Variants in CPB1 observed in about 807,000 individuals in gnomAD.
CPB1 encodes carboxypeptidase B1, also known as carboxypeptidase B.
Under a neutral mutation model 51.4 loss-of-function variants are expected in CPB1, and 53 were observed. The observed-to-expected ratio is 1.03, with a 90% CI of 0.83 to 1.30. CPB1 has a LOEUF of 1.30. Among genes scored for constraint, CPB1 ranks in the 50% most tolerant of loss-of-function variants. CPB1 has a pLI of 0.00. For missense variants in CPB1, 494 were observed against 516.2 expected (o/e 0.96, Z 0.42); for synonymous variants, 189 against 186.9 (o/e 1.01, Z -0.09).
At chr3:148,851,411 G>T (rs2108020036) in intron 9 of CPB1, 1 of 136,160 alleles carries the variant, frequency 7.3e-6, no homozygotes, top group East Asian at 2.2e-4. Context: ...GAGAAAGAAA[G>T]AAATTTCATT....
chr3:148,833,618 G>A (rs7618384), intron 2 of CPB1, among the ~76,000 whole-genome samples: 9,107 of 152,056 alleles, frequency 0.06, 373 homozygotes, highest in Admixed American at 0.11. Flanking sequence ...GCTGACCTCA[G>A]ACTTCTAGGC....
Position 148,857,558 on chromosome 3 carries a change from G to T in CPB1, c.1066+17G>T. ...CAACAATCTGTGAGTCTTGGCTTCA[G>T]AACTGTGCAAAGAACCATGTGCCTA... On this transcript the variant is annotated intron_variant, in intron 10 of 10. Transcript: ENST00000282957. 6.3e-7 allele frequency: 1 copy of T among 1,599,936 alleles called. No homozygotes were observed. The highest frequency in any genetic ancestry group is 1.1e-5 in the South Asian group (1 of 90,670).
chr3:148,854,275 A>T (rs1713514019), intron 9 of CPB1: 1 of 152,214 alleles, frequency 6.6e-6, no homozygotes, highest in Non-Finnish European at 1.5e-5. Flanking sequence ...TGGACAGATA[A>T]TGTTGAGAAG....
chr3:148,859,525 G>A (rs1445246091), intron 10 of CPB1, among the ~76,000 whole-genome samples: 1 of 152,130 alleles, frequency 6.6e-6, no homozygotes. Flanking sequence ...CATATAAAGT[G>A]TAGTTTACCA....
intron 9 of CPB1, 181 bp from the exon 10 acceptor site, chr3:148,857,276 A>G (rs1427299384): frequency 1.7e-5 from 9 of 526,324 alleles, no homozygotes; most frequent in Admixed American, 3.3e-5. Flanking sequence ...ATTCTTGCAC[A>G]AGAATTACTT....
intron 3 of CPB1, 73 bp from the exon 4 acceptor site, chr3:148,840,613 T>C: frequency 2.3e-6 from 3 of 1,279,196 alleles, no homozygotes; most frequent in Non-Finnish European, 3.4e-6. Context: ...GCAGTGGCTC[T>C]GGGGTTTTAT....
chr3:148,841,643 T>C (rs921339260), intron 5 of CPB1, among the ~76,000 whole-genome samples, 180 bp from the exon 6 acceptor site: 6 of 152,196 alleles, frequency 3.9e-5, no homozygotes, highest in Non-Finnish European at 8.8e-5. Flanking sequence ...GCTCAAACAT[T>C]GTGAGTCTAG....
intron 9 of CPB1, among the ~76,000 whole-genome samples, chr3:148,847,459 C>T (rs1713291230): frequency 6.8e-6 from 1 of 147,844 alleles, no homozygotes; most frequent in East Asian, 2.0e-4. Context: ...AGGAAATTTT[C>T]TCCAGTAAAA....
At chr3:148,859,673 T>C (rs1487739419) in intron 10 of CPB1, 142 bp from the exon 11 acceptor site, 1 of 696,634 alleles carries the variant, frequency 1.4e-6, no homozygotes, top group Non-Finnish European at 2.3e-6. Flanking sequence ...CCCATAACAT[T>C]TATGATCCAG....
At chr3:148,859,788 T>A (rs761361518) in intron 10 of CPB1, 27 bp from the exon 11 acceptor site, 1 of 1,551,134 alleles carries the variant, frequency 6.4e-7, no homozygotes, top group South Asian at 1.2e-5. Context: ...TTTAAAGTTT[T>A]TTTTCACTGC....
At chr3:148,844,980 A>G (rs1408315807) in intron 8 of CPB1, among the ~76,000 whole-genome samples, 1 of 152,176 alleles carries the variant, frequency 6.6e-6, no homozygotes, top group African/African-American at 2.4e-5. Context: ...AGATGCTGAA[A>G]ATATAAGGCT....
intron 3 of CPB1, among the ~76,000 whole-genome samples, chr3:148,839,130 T>C (rs1712998919): frequency 6.6e-6 from 1 of 152,174 alleles, no homozygotes; most frequent in Non-Finnish European, 1.5e-5. Context: ...CATGAGTCTT[T>C]AAAGTGAAAG....
intron 2 of CPB1, 59 bp downstream of exon 2, chr3:148,828,136 T>G: frequency 7.7e-7 from 1 of 1,304,748 alleles, no homozygotes; most frequent in Non-Finnish European, 1.1e-6. Flanking sequence ...CGCACTGTGA[T>G]TCCGACAATG....
At chr3:148,832,073 T>A (rs932499221) in intron 2 of CPB1, among the ~76,000 whole-genome samples, 3 of 152,174 alleles carry the variant, frequency 2.0e-5, no homozygotes, top group Non-Finnish European at 4.4e-5. Flanking sequence ...GTTTTCTCCA[T>A]GTCAAACTGA....
Position 148,840,733 on chromosome 3 carries a change from GC to G in CPB1, c.322del (p.Arg108GlyfsTer18). 1 of 1,614,186 alleles carries G rather than the reference GC, an allele frequency of 6.2e-7. No homozygotes were observed. The highest frequency in any genetic ancestry group is 8.5e-7 in the Non-Finnish European group (1 of 1,180,020). ...LRNVVEAQFD[S>X]RVRATGHSYE... is the part of the protein sequence containing the mutation. ...AATGTGGTGGAGGCTCAGTTTGATA[GC>G]CGGGTTCGTGCAACAGGACACAGTT... On this transcript the variant is annotated frameshift_variant, in exon 4 of 11. Coordinates refer to ENST00000282957, the MANE Select transcript of CPB1 (RefSeq NM_001871.3). LOFTEE classifies it high-confidence loss of function.
intron 10 of CPB1, among the ~76,000 whole-genome samples, chr3:148,859,105 A>G (rs1231132227): frequency 6.6e-6 from 1 of 152,194 alleles, no homozygotes. Flanking sequence ...TATTCAGTTC[A>G]ACTAGGCTTC....
chr3:148,857,690 A>C, intron 10 of CPB1, 149 bp downstream of exon 10: 1 of 182,272 alleles, frequency 5.5e-6, no homozygotes, highest in Non-Finnish European at 9.1e-6. Flanking sequence ...TTTTCTGTTC[A>C]AAAAAAAAAA....
At chr3:148,852,163 C>T (rs1444570612) in intron 9 of CPB1, among the ~76,000 whole-genome samples, 1 of 152,192 alleles carries the variant, frequency 6.6e-6, no homozygotes, top group African/African-American at 2.4e-5. Flanking sequence ...GAGAAAAAGG[C>T]ATTCTCATAG....
chr3:148,844,670 C>G lies in CPB1; in HGVS notation c.688-7C>G. The stretch of plus-strand genomic sequence containing the variant: ...ATATTTGTCCTAACTATGTAGTCCA[C>G]TTTCAGAGCCGATTTTGGAGAAAGA... On this transcript the variant is annotated splice_region_variant and splice_polypyrimidine_tract_variant and intron_variant, in intron 7 of 10. Transcript: ENST00000282957. 6.2e-7 allele frequency: 1 copy of G among 1,613,904 alleles called. No individual in the cohort carries two copies. Among genetic ancestry groups the G allele is most frequent in the Non-Finnish European group, 8.5e-7 (1 of 1,179,814 alleles).
Sources: allele counts gnomAD v4.1 joint callset (sites outside exome capture counted in the v4.1 genomes callset), GRCh38; gene constraint gnomAD v4.1.1; transcripts MANE v1.5; gene names NCBI Gene and HGNC (gene_info 2026-07-23, HGNC 2026-07-21).